FRMD4A: variants seen among roughly 807,000 people sequenced by gnomAD.
FRMD4A encodes FERM domain-containing protein 4A.
FRMD4A carries 29 observed loss-of-function variants against 129.1 expected under a neutral mutation model. The ratio of observed to expected loss-of-function variants is 0.22; its 90% confidence interval spans 0.17 to 0.31. The LOEUF (loss-of-function observed/expected upper bound fraction) is 0.31, where lower values mean the gene tolerates loss of function less well. FRMD4A is among the 10% of genes least tolerant of loss of function. The pLI is 1.00. For synonymous variants in FRMD4A, 634 were observed against 571.6 expected (o/e 1.11, Z -1.56); for missense variants, 1,272 against 1,375.8 (o/e 0.92, Z 1.19).
chr10:14,111,668 G>A (rs1453362258), intron 2 of FRMD4A, among the ~76,000 whole-genome samples: 2 of 151,962 alleles, frequency 1.3e-5, no homozygotes, highest in Non-Finnish European at 2.9e-5. Flanking sequence ...TACCTACTAT[G>A]GGCAATGCAT....
intron 2 of FRMD4A, among the ~76,000 whole-genome samples, chr10:13,887,831 G>A (rs2094642953): frequency 6.6e-6 from 1 of 152,186 alleles, no homozygotes; most frequent in African/African-American, 2.4e-5. Flanking sequence ...AATGCCACTG[G>A]TGGTAGAGCT....
At chr10:14,073,330 T>C (rs1401792375) in intron 2 of FRMD4A, among the ~76,000 whole-genome samples, 3 of 152,128 alleles carry the variant, frequency 2.0e-5, no homozygotes, top group African/African-American at 7.2e-5. Context: ...GGGATGAAGC[T>C]GGAAGCTTCT....
intron 3 of FRMD4A, among the ~76,000 whole-genome samples, chr10:13,814,487 C>T (rs533898629): frequency 2.8e-5 from 4 of 143,506 alleles, no homozygotes; most frequent in African/African-American, 5.2e-5. Context: ...AAGCTCAGAC[C>T]GGAGGATTGC....
chr10:13,730,693 A>G (rs1441869776), intron 12 of FRMD4A, among the ~76,000 whole-genome samples: 1 of 151,742 alleles, frequency 6.6e-6, no homozygotes, highest in Non-Finnish European at 1.5e-5. Context: ...TAACTAGCAT[A>G]AAATAGGGTA....
At chr10:14,097,940 ATATAT>A (rs1229556557) in intron 2 of FRMD4A, among the ~76,000 whole-genome samples, 2 of 145,530 alleles carry the variant, frequency 1.4e-5, no homozygotes, top group Non-Finnish European at 3.0e-5. Flanking sequence ...TGTATATTAC[ATATAT>A]TATATACAAA....
rs767534496 is a variant in FRMD4A, at chr10:13,659,330, A to G, written c.2059T>C (p.Ser687Pro). ...AAGGCCAGGCAGACTCACCTCGTGG[A>G]ATGGACGTAGTGGGGACTCCGGACC... ...LRVRSPHYVH[S>P]TRSVDISPTR... The change falls in exon 21 of 25, where the codon TCC becomes CCC. Residue 687 changes from serine to proline, a missense_variant. This residue lies in a region of FRMD4A where 972 missense variants were observed against 892.3 expected (regional missense o/e 1.09). Transcript: ENST00000357447. 3 of 1,613,994 alleles carry G rather than the reference A, an allele frequency of 1.9e-6. No homozygotes were observed. The highest frequency in any genetic ancestry group is 1.7e-6 in the Non-Finnish European group (2 of 1,179,846).
chr10:13,890,977 C>G (rs1192632961), intron 2 of FRMD4A: 1 of 363,066 alleles, frequency 2.8e-6, no homozygotes, highest in Non-Finnish European at 3.8e-6. Context: ...AGGCAGCCCA[C>G]GCAGCTTTCT....
At chr10:13,844,176 T>G (rs887107287) in intron 3 of FRMD4A, among the ~76,000 whole-genome samples, 19 of 152,164 alleles carry the variant, frequency 1.2e-4, no homozygotes, top group Non-Finnish European at 1.5e-5. Flanking sequence ...TGTGAGTGTG[T>G]GTGTGTGAAT....
chr10:14,098,316 C>T (rs1837107807), intron 2 of FRMD4A, among the ~76,000 whole-genome samples: 1 of 151,080 alleles, frequency 6.6e-6, no homozygotes, highest in African/African-American at 2.4e-5. Context: ...TCATATCATT[C>T]TCTCCAATAT....
intron 2 of FRMD4A, among the ~76,000 whole-genome samples, chr10:14,059,353 T>A (rs1277099753): frequency 2.0e-5 from 3 of 152,186 alleles, no homozygotes; most frequent in Non-Finnish European, 4.4e-5. Flanking sequence ...CATGGCAATA[T>A]CTGGAGAGGG....
At chr10:14,071,376 G>C (rs1400384034) in intron 2 of FRMD4A, among the ~76,000 whole-genome samples, 1 of 152,148 alleles carries the variant, frequency 6.6e-6, no homozygotes, top group African/African-American at 2.4e-5. Context: ...TGACCACTGT[G>C]TACATCCTGC....
At chr10:14,131,335 T>G (rs1839238420) in intron 2 of FRMD4A, among the ~76,000 whole-genome samples, 1 of 152,228 alleles carries the variant, frequency 6.6e-6, no homozygotes, top group East Asian at 1.9e-4. Context: ...GAACAGAAGA[T>G]GGCAGAGTAG....
intron 2 of FRMD4A, among the ~76,000 whole-genome samples, chr10:14,145,665 G>A (rs1840039983): frequency 6.6e-6 from 1 of 152,138 alleles, no homozygotes; most frequent in Non-Finnish European, 1.5e-5. Flanking sequence ...TATAGAAACC[G>A]AGGCACAGAG....
intron 3 of FRMD4A, among the ~76,000 whole-genome samples, chr10:13,814,774 A>C (rs2093514233): frequency 6.6e-6 from 1 of 152,018 alleles, no homozygotes; most frequent in African/African-American, 2.4e-5. Context: ...AAGAGAAAGA[A>C]TGATTCCCAG....
intron 6 of FRMD4A, among the ~76,000 whole-genome samples, chr10:13,764,152 T>C (rs942648116): frequency 7.3e-5 from 11 of 150,670 alleles, no homozygotes; most frequent in Non-Finnish European, 1.5e-4. Flanking sequence ...ACAACCAAGG[T>C]AATAAACATA....
At chr10:14,128,127 A>G (rs1839030361) in intron 2 of FRMD4A, among the ~76,000 whole-genome samples, 1 of 136,088 alleles carries the variant, frequency 7.3e-6, no homozygotes, top group African/African-American at 2.8e-5. Flanking sequence ...TTCTTGAGAC[A>G]GGGTCTCACT....
At chr10:13,887,693 T>A (rs1881594) in intron 2 of FRMD4A, among the ~76,000 whole-genome samples, 150,036 of 152,328 alleles carry the variant, frequency 0.98, 73,934 homozygotes, top group Middle Eastern at 1. Flanking sequence ...AAAACAAACA[T>A]AACTGAACGC....
At chr10:14,209,231 A>T (rs1406786314) in intron 2 of FRMD4A, among the ~76,000 whole-genome samples, 1 of 152,094 alleles carries the variant, frequency 6.6e-6, no homozygotes, top group Non-Finnish European at 1.5e-5. Context: ...AATTTTGTCA[A>T]GTTATTTGAC....
intron 2 of FRMD4A, among the ~76,000 whole-genome samples, chr10:13,882,607 C>A (rs948493478): frequency 6.6e-6 from 1 of 152,162 alleles, no homozygotes; most frequent in Non-Finnish European, 1.5e-5. Flanking sequence ...ACCAGATGGA[C>A]GGACAGGCTC....
Sources: allele counts gnomAD v4.1 joint callset (sites outside exome capture counted in the v4.1 genomes callset), GRCh38; gene constraint gnomAD v4.1.1; regional missense constraint gnomAD v4.1.1; transcripts MANE v1.5; gene names NCBI Gene and HGNC (gene_info 2026-07-23, HGNC 2026-07-21).